The following SRFBP1 variants were observed in gnomAD, a reference collection of about 807,000 sequenced individuals.
SRFBP1 encodes serum response factor binding protein 1.
SRFBP1 carries 47 observed loss-of-function variants against 45.5 expected under a neutral mutation model. The observed-to-expected ratio is 1.03, with a 90% CI of 0.82 to 1.32. The LOEUF is 1.32. Among genes scored for constraint, SRFBP1 ranks in the 40% most tolerant of loss-of-function variants. The pLI is 0.00. For missense variants in SRFBP1, 621 were observed against 484.6 expected, an observed-to-expected ratio of 1.28 and a Z score of -2.64; for synonymous variants, 203 against 166.3, an observed-to-expected ratio of 1.22 and a Z score of -1.70.
chr5:122,027,182 A>G lies in SRFBP1; in HGVS notation c.*56A>G. On this transcript the variant is annotated 3_prime_UTR_variant, in exon 8 of 8. Transcript: ENST00000339397. ...TAAAAAAAAAAATGTTTTTTTTAAGACAGGATCTCATTCTGTTGCCCAGAC... is the reference window on the plus strand; with the variant it reads ...TAAAAAAAAAAATGTTTTTTTTAAGGCAGGATCTCATTCTGTTGCCCAGAC... The G allele has an allele frequency of 7.1e-7, 1 of 1,408,244 alleles. No homozygotes were observed. The highest frequency in any genetic ancestry group is 1.3e-5 in the South Asian group (1 of 74,760). The allele number at this position is 1,408,244 out of a possible 1,614,324, so 87.2% of individuals were successfully genotyped here. A position where few individuals can be genotyped will look rare whatever the true frequency, so the allele number is the denominator to read the frequency against.
chr5:121,967,933 A>G (rs148050287), intron 1 of SRFBP1, among the ~76,000 whole-genome samples: 159 of 152,294 alleles, frequency 1.0e-3, no homozygotes, highest in African/African-American at 2.4e-3. Flanking sequence ...TCTACTTCCT[A>G]TGTTTAGGAA....
chr5:122,006,065 T>A (rs550886353), intron 4 of SRFBP1, among the ~76,000 whole-genome samples: 45 of 152,192 alleles, frequency 3.0e-4, no homozygotes, highest in Non-Finnish European at 6.2e-4. Context: ...CTTTATCATT[T>A]CTTCTTGTAA....
chr5:122,037,323 T>C (rs899146027), intron 2 of SRFBP1, among the ~76,000 whole-genome samples: 9 of 152,164 alleles, frequency 5.9e-5, no homozygotes, highest in African/African-American at 2.2e-4. Flanking sequence ...AATAAAATTA[T>C]TTGTCTCTAA....
At chr5:122,002,024 A>G (rs1169456381) in intron 4 of SRFBP1, among the ~76,000 whole-genome samples, 1 of 152,210 alleles carries the variant, frequency 6.6e-6, no homozygotes, top group Non-Finnish European at 1.5e-5. Context: ...TTACATATTG[A>G]TTTGTCTTTA....
intron 7 of SRFBP1, among the ~76,000 whole-genome samples, chr5:122,025,736 A>G (rs565931740): frequency 2.5e-4 from 38 of 152,190 alleles, no homozygotes; most frequent in Non-Finnish European, 7.3e-5. Flanking sequence ...AATGTTTTGT[A>G]AATATTATCC....
At chr5:121,986,980 G>C (rs760657636) in intron 3 of SRFBP1, among the ~76,000 whole-genome samples, 1 of 152,112 alleles carries the variant, frequency 6.6e-6, no homozygotes, top group African/African-American at 2.4e-5. Context: ...AGAGCAGAAA[G>C]ATACATTAAG....
At chr5:122,072,941 A>G (rs1754492922) in intron 2 of SRFBP1, among the ~76,000 whole-genome samples, 1 of 152,204 alleles carries the variant, frequency 6.6e-6, no homozygotes, top group Admixed American at 6.5e-5. Context: ...GGGAATCTGT[A>G]TATGCACACA....
chr5:121,998,232 G>A (rs79603207), intron 4 of SRFBP1, among the ~76,000 whole-genome samples: 32 of 152,008 alleles, frequency 2.1e-4, no homozygotes, highest in East Asian at 1.6e-3. Flanking sequence ...TTATTGTGGC[G>A]TTATTCGCAA....
chr5:122,033,631 A>G (rs1753626913), downstream of SRFBP1, among the ~76,000 whole-genome samples: 1 of 146,838 alleles, frequency 6.8e-6, no homozygotes, highest in African/African-American at 2.5e-5. Context: ...CTGGTTTTTT[A>G]TAGTTTTAGT....
intron 4 of SRFBP1, among the ~76,000 whole-genome samples, chr5:121,998,179 G>A (rs1752773606): frequency 6.6e-6 from 1 of 151,766 alleles, no homozygotes; most frequent in African/African-American, 2.4e-5. Flanking sequence ...ATACCCAAAT[G>A]ACTATAAATC....
intron 4 of SRFBP1, among the ~76,000 whole-genome samples, chr5:122,016,058 A>G (rs747945745): frequency 2.6e-5 from 4 of 152,110 alleles, no homozygotes; most frequent in Non-Finnish European, 5.9e-5. Flanking sequence ...TCTGCATAAT[A>G]TTTCTGTTTT....
chr5:122,078,070 A>G, downstream of SRFBP1: 3 of 1,296,228 alleles, frequency 2.3e-6, no homozygotes, highest in Non-Finnish European at 3.0e-6. Context: ...TGAGGGAAGG[A>G]GAAATCTTCA....
chr5:122,010,208 G>T (rs1005086836), intron 4 of SRFBP1, among the ~76,000 whole-genome samples: 1 of 152,062 alleles, frequency 6.6e-6, no homozygotes, highest in Non-Finnish European at 1.5e-5. Flanking sequence ...TTAGAGGAAG[G>T]TTCATTTTTT....
At chr5:122,017,224 CCAA>C (rs547656647) in intron 4 of SRFBP1, among the ~76,000 whole-genome samples, 1 of 152,004 alleles carries the variant, frequency 6.6e-6, no homozygotes, top group Non-Finnish European at 1.5e-5. Flanking sequence ...AGTGAGACTC[CCAA>C]CAACAACAAC....
At chr5:122,010,378 G>A (rs1255270640) in intron 4 of SRFBP1, among the ~76,000 whole-genome samples, 1 of 151,998 alleles carries the variant, frequency 6.6e-6, no homozygotes, top group Non-Finnish European at 1.5e-5. Context: ...TTTAGAAATC[G>A]ATCCACTGCT....
rs1417568415 is a variant in SRFBP1, at chr5:122,019,276, C to G, written c.287C>G (p.Thr96Ser). Residue 96 changes from threonine (T) to serine (S), a missense_variant, in exon 5 of 8, where the codon ACT becomes AGT. Physicochemically the swap from Thr to Ser is moderately conservative, Grantham distance 58 (BLOSUM62 1). Coordinates refer to ENST00000339397, the MANE Select transcript of SRFBP1 (RefSeq NM_152546.3). ...KIFKKPDSTA[T>S]ERAIARLAVH... ...AATTTGCAGCCAGATTCTACTGCAA[C>G]TGAAAGAGCAATTGCCAGACTAGCA... 4.3e-6 allele frequency: 7 copies of G among 1,612,276 alleles called. No individual in the cohort carries two copies. Among genetic ancestry groups the G allele is most frequent in the Non-Finnish European group, 5.9e-6 (7 of 1,179,050 alleles).
chr5:121,965,292 A>C, intron 1 of SRFBP1, among the ~76,000 whole-genome samples: 1 of 152,100 alleles, frequency 6.6e-6, no homozygotes, highest in East Asian at 1.9e-4. Flanking sequence ...GGTATTGCCT[A>C]GGTTTTCTTC....
At chr5:121,990,100 C>A (rs529581697) in intron 3 of SRFBP1, among the ~76,000 whole-genome samples, 1 of 152,244 alleles carries the variant, frequency 6.6e-6, no homozygotes, top group East Asian at 1.9e-4. Flanking sequence ...TTAAGTCATT[C>A]TAGCAAAGAC....
At chr5:122,008,724 G>A (rs1294257295) in intron 4 of SRFBP1, among the ~76,000 whole-genome samples, 2 of 152,026 alleles carry the variant, frequency 1.3e-5, no homozygotes, top group Admixed American at 6.6e-5. Flanking sequence ...GCCCTAGAGA[G>A]TCCTGTTCTG....
Sources: allele counts gnomAD v4.1 joint callset (sites outside exome capture counted in the v4.1 genomes callset), GRCh38; gene constraint gnomAD v4.1.1; transcripts MANE v1.5; gene names NCBI Gene and HGNC (gene_info 2026-07-23, HGNC 2026-07-21).